Variants in TBC1D20 observed in about 807,000 individuals in gnomAD.
TBC1D20 encodes the protein TBC1 domain family member 20.
A neutral mutation model predicts 41.6 loss-of-function variants in TBC1D20; 12 were observed. The observed-to-expected ratio is 0.29, with a 90% CI of 0.18 to 0.47. TBC1D20 has a LOEUF of 0.47. TBC1D20 is among the 20% of genes least tolerant of loss of function. The pLI is 1.00. For synonymous variants in TBC1D20, 205 were observed against 204.8 expected (o/e 1.00, Z -0.01); for missense variants, 421 against 517.4 (o/e 0.81, Z 1.81).
chr20:440,098 A>T, intron 6 of TBC1D20, 150 bp downstream of exon 6: 2 of 993,830 alleles, frequency 2.0e-6, no homozygotes, highest in Non-Finnish European at 2.9e-6. Flanking sequence ...CACCCCCATT[A>T]ATACTGCACA....
chr20:445,634 T>G (rs561471164), intron 2 of TBC1D20, among the ~76,000 whole-genome samples: 1 of 152,296 alleles, frequency 6.6e-6, no homozygotes, highest in South Asian at 2.1e-4. Flanking sequence ...GACCCAGCAA[T>G]TCTAAAACTA....
Position 435,493 on chromosome 20 carries a change from T to A in TBC1D20, c.*3093A>T, listed in dbSNP as rs2017100324. On this transcript the variant is annotated 3_prime_UTR_variant, in exon 8 of 8. Transcript: ENST00000354200. ...ACTCAGGGAAACTTATGTTTACCAG[T>A]TTATTACAAACATTATTAGAAAAGG... 6.5e-6 allele frequency: 1 copy of A among 153,632 alleles called. No homozygotes were observed. Among genetic ancestry groups the A allele is most frequent in the South Asian group, 2.1e-4 (1 of 4,836 alleles). 9.5% of individuals were successfully genotyped at this position (153,632 alleles called of 1,614,324 possible). A position where few individuals can be genotyped will look rare whatever the true frequency, so the allele number is the denominator to read the frequency against.
intron 1 of TBC1D20, among the ~76,000 whole-genome samples, chr20:461,918 C>T (rs778264200): frequency 6.6e-6 from 1 of 152,252 alleles, no homozygotes; most frequent in Non-Finnish European, 1.5e-5. Context: ...ATCAAGCCGG[C>T]GACGGTGAAT....
intron 1 of TBC1D20, among the ~76,000 whole-genome samples, chr20:455,437 G>C (rs1001445590): frequency 6.6e-6 from 1 of 152,056 alleles, no homozygotes; most frequent in East Asian, 1.9e-4. Context: ...GACCAACATG[G>C]TGAAACCCTG....
At chr20:455,644 T>C (rs2017526992) in intron 1 of TBC1D20, among the ~76,000 whole-genome samples, 1 of 143,068 alleles carries the variant, frequency 7.0e-6, no homozygotes, top group African/African-American at 2.6e-5. Flanking sequence ...AAAAATAAAA[T>C]AAAATAGGCC....
intron 1 of TBC1D20, among the ~76,000 whole-genome samples, chr20:453,102 CA>C (rs2017473474): frequency 7.8e-6 from 1 of 127,858 alleles, no homozygotes; most frequent in Non-Finnish European, 1.5e-5. Flanking sequence ...GCTGAGATTG[CA>C]GATCGCGCCA....
intron 1 of TBC1D20, among the ~76,000 whole-genome samples, chr20:453,406 A>T (rs185938496): frequency 0.011 from 1,509 of 140,448 alleles, 142 homozygotes; most frequent in African/African-American, 0.039. Context: ...CCTGGGAGGC[A>T]GAGGTTGCAG....
At chr20:457,075 T>C (rs1243930809) in intron 1 of TBC1D20, among the ~76,000 whole-genome samples, 1 of 151,604 alleles carries the variant, frequency 6.6e-6, no homozygotes, top group African/African-American at 2.4e-5. Context: ...TAGCTGGGAT[T>C]ACAGGCATGC....
At chr20:449,070 C>T (rs2017392892) in intron 1 of TBC1D20, among the ~76,000 whole-genome samples, 1 of 150,574 alleles carries the variant, frequency 6.6e-6, no homozygotes, top group South Asian at 2.1e-4. Context: ...TGGTCATGAA[C>T]TCCTGACGTC....
chr20:445,923 C>G (rs898020720), intron 2 of TBC1D20, among the ~76,000 whole-genome samples: 2 of 152,246 alleles, frequency 1.3e-5, no homozygotes, highest in African/African-American at 4.8e-5. Context: ...GTGAACATGG[C>G]ACTGCCTTAG....
chr20:439,871 A>G lies in TBC1D20; in HGVS notation c.768+377T>C, dbSNP rs1019066056. Among the ~76,000 whole-genome samples, 1 of 152,152 alleles carries G rather than the reference A, an allele frequency of 6.6e-6. No homozygotes were observed. The highest frequency in any genetic ancestry group is 1.5e-5 in the Non-Finnish European group (1 of 68,020). On this transcript the variant is annotated intron_variant, in intron 6 of 7. Coordinates refer to ENST00000354200, the MANE Select transcript of TBC1D20 (RefSeq NM_144628.4). The surrounding 1 kb of genome is among the most constrained non-coding windows in gnomAD (Gnocchi z 4.6). Reference sequence around the variant, plus strand: ...CGCCTCCCTTGTCTGTCATGACACCAGATCTCTTCTTTTCTTAAATCTGGA... The same window carrying G: ...CGCCTCCCTTGTCTGTCATGACACCGGATCTCTTCTTTTCTTAAATCTGGA...
chr20:455,209 C>T lies in TBC1D20; in HGVS notation c.70+7127G>A, dbSNP rs550337324. 5.3e-5 allele frequency among the ~76,000 whole-genome samples: 8 copies of T among 152,328 alleles called. No individual in the cohort carries two copies. The East Asian group carries it at 1.5e-3, about 29-fold the overall frequency. On this transcript the variant is annotated intron_variant, in intron 1 of 7. Coordinates refer to ENST00000354200, the MANE Select transcript of TBC1D20 (RefSeq NM_144628.4). The stretch of plus-strand genomic sequence containing the variant: ...CCATTTGTCCTCATCTGTCTGAGAT[C>T]TTCCTGGTTTATACCTAGAGTCCTG...
Position 439,105 on chromosome 20 carries a change from C to A in TBC1D20, c.956+3G>T, listed in dbSNP as rs1408824824. ...ATTCAACCAGTGTCCCAGCCTTGCTCACCTCTCAGCTTGCTGTTGGGCAGC... is the reference window on the plus strand; with the variant it reads ...ATTCAACCAGTGTCCCAGCCTTGCTAACCTCTCAGCTTGCTGTTGGGCAGC... On this transcript the variant is annotated splice_donor_region_variant and intron_variant, in intron 7 of 7. Transcript: ENST00000354200. The surrounding 1 kb of genome is among the most constrained non-coding windows in gnomAD (Gnocchi z 4.6). The A allele has an allele frequency of 6.2e-7, 1 of 1,608,052 alleles. No individual in the cohort carries two copies. Among genetic ancestry groups the A allele is most frequent in the Non-Finnish European group, 8.5e-7 (1 of 1,177,018 alleles).
At chr20:456,581 G>T (rs2017543605) in intron 1 of TBC1D20, among the ~76,000 whole-genome samples, 2 of 150,972 alleles carry the variant, frequency 1.3e-5, no homozygotes, top group African/African-American at 4.9e-5. Flanking sequence ...CTTTTTTTTT[G>T]AGACGGAGTT....
intron 4 of TBC1D20, 56 bp downstream of exon 4, chr20:441,801 T>A: frequency 1.3e-6 from 2 of 1,597,594 alleles, no homozygotes; most frequent in Non-Finnish European, 1.7e-6. Context: ...CAGTGAGTTA[T>A]CCCCAGGACG....
chr20:451,273 G>A (rs928674593), intron 1 of TBC1D20, among the ~76,000 whole-genome samples: 4 of 152,098 alleles, frequency 2.6e-5, no homozygotes, highest in Admixed American at 6.6e-5. Flanking sequence ...GGCCGGGGAC[G>A]GTGGCTCACG....
intron 1 of TBC1D20, among the ~76,000 whole-genome samples, chr20:448,760 C>A (rs1029917121): frequency 6.6e-6 from 1 of 151,768 alleles, no homozygotes; most frequent in Non-Finnish European, 1.5e-5. Flanking sequence ...TAGGCAAAAC[C>A]GATCCTCCCA....
intron 1 of TBC1D20, among the ~76,000 whole-genome samples, chr20:461,429 A>C (rs1164041186): frequency 6.6e-5 from 10 of 152,364 alleles, no homozygotes; most frequent in Middle Eastern, 6.8e-3. Context: ...CAGTGGCGCA[A>C]TCATAGAGTA....
At position 437,577 on chromosome 20, in the gene TBC1D20, C is replaced by T. The variant is rs927290783; in HGVS notation, c.*1009G>A. On this transcript the variant is annotated 3_prime_UTR_variant, in exon 8 of 8. Transcript: ENST00000354200. ...GAGTCAAGTCAGACCCAAAAAACGA[C>T]GCCAAGGTAGTGAGTGGGTGCCTAT... 3.9e-5 allele frequency: 6 copies of T among 152,246 alleles called. No homozygotes were observed. The highest frequency in any genetic ancestry group is 4.1e-4 in the South Asian group (2 of 4,828). The allele number at this position is 152,246 out of a possible 1,614,324, so 9.4% of individuals were successfully genotyped here.
Sources: gnomAD v4.1 joint callset for allele counts (sites outside exome capture counted in the v4.1 genomes callset) on GRCh38, gnomAD v4.1.1 for gene constraint, Gnocchi (gnomAD v3.1) non-coding constraint, MANE v1.5 for transcripts, NCBI Gene and HGNC (gene_info 2026-07-23, HGNC 2026-07-21) for gene names.